Variants in PISD observed in about 807,000 individuals in gnomAD.
PISD encodes the protein phosphatidylserine decarboxylase, also known as phosphatidylserine decarboxylase proenzyme, mitochondrial.
PISD carries 31 observed loss-of-function variants against 43.5 expected under a neutral mutation model. That is an observed-to-expected ratio of 0.71 (90% CI 0.54 to 0.96). The LOEUF is 0.96. Ranked by LOEUF, PISD falls within the 40% of genes least tolerant of loss-of-function variation. The pLI is 0.00. For missense variants in PISD, 523 were observed against 548.4 expected, an observed-to-expected ratio of 0.95 and a Z score of 0.46; for synonymous variants, 259 against 228.7, an observed-to-expected ratio of 1.13 and a Z score of -1.20.
intron 3 of PISD, among the ~76,000 whole-genome samples, chr22:31,642,807 AAAG>A (rs2073773831): frequency 6.7e-6 from 1 of 149,952 alleles, no homozygotes; most frequent in Non-Finnish European, 1.5e-5. Flanking sequence ...AAAAAAAAAA[AAAG>A]AAAGAAAAAA....
At chr22:31,621,258 T>C (rs1266336235) in intron 5 of PISD, 76 bp downstream of exon 5, 8 of 1,609,726 alleles carry the variant, frequency 5.0e-6, no homozygotes, top group Non-Finnish European at 5.9e-6. Context: ...CTCAGTTCCT[T>C]CCCCAGCATT....
intron 3 of PISD, among the ~76,000 whole-genome samples, chr22:31,640,835 C>CTCAACTAACGGATAAAAGATTCA: frequency 7.1e-6 from 1 of 141,550 alleles, no homozygotes; most frequent in African/African-American, 2.7e-5. Context: ...CCCGCCTCGG[C>CTCAACTAACGGATAAAAGATTCA]CTCCCAAAGT....
chr22:31,641,115 A>G (rs971042164), intron 3 of PISD, among the ~76,000 whole-genome samples: 1 of 151,614 alleles, frequency 6.6e-6, no homozygotes, highest in African/African-American at 2.4e-5. Context: ...TTAACTCCTG[A>G]CCTCAGGTGA....
At chr22:31,656,708 C>T (rs2074189545) in intron 1 of PISD, among the ~76,000 whole-genome samples, 1 of 151,370 alleles carries the variant, frequency 6.6e-6, no homozygotes, top group African/African-American at 2.4e-5. Context: ...CAAGATCCCA[C>T]ATCTTGTCAG....
Position 31,648,968 on chromosome 22 carries a change from T to C in PISD, c.146-692A>G, listed in dbSNP as rs116272739. Among the ~76,000 whole-genome samples, 879 of 152,322 alleles carry C rather than the reference T, an allele frequency of 5.8e-3. 6 individuals carry two copies. Among genetic ancestry groups the C allele is most frequent in the African/African-American group, 0.018 (767 of 41,586 alleles). ...ACACCATTTCTCACCCAGGGCTCTTTGATCTTGCTTTTATAATGCAGGCCC... is the reference window on the plus strand; with the variant it reads ...ACACCATTTCTCACCCAGGGCTCTTCGATCTTGCTTTTATAATGCAGGCCC... On this transcript the variant is annotated intron_variant, in intron 2 of 7. Transcript: ENST00000439502.
intron 1 of PISD, among the ~76,000 whole-genome samples, chr22:31,651,649 G>C (rs554052901): frequency 1.3e-5 from 2 of 152,238 alleles, no homozygotes; most frequent in South Asian, 4.1e-4. Context: ...TTGGGAGGCT[G>C]AGGCAGGAGA....
intron 3 of PISD, among the ~76,000 whole-genome samples, chr22:31,624,117 G>A (rs2072741418): frequency 6.6e-6 from 1 of 152,178 alleles, no homozygotes; most frequent in African/African-American, 2.4e-5. Context: ...GACTGGGAAT[G>A]TGGGGGCAGC....
intron 3 of PISD, among the ~76,000 whole-genome samples, chr22:31,635,430 G>A (rs934265724): frequency 2.6e-5 from 4 of 152,080 alleles, no homozygotes; most frequent in African/African-American, 9.7e-5. Flanking sequence ...AGCCTCCCAA[G>A]TAGCTGGGAC....
Position 31,619,432 on chromosome 22 carries a change from CCACCTCTTGTCTG to C in PISD, c.*167_*179del, listed in dbSNP as rs2072351183. The C allele has an allele frequency of 2.9e-6, 2 of 688,230 alleles. No individual in the cohort carries two copies. The highest frequency in any genetic ancestry group is 2.4e-4 in the Middle Eastern group (1 of 4,206). The allele number at this position is 688,230 out of a possible 1,614,324, so 42.6% of individuals were successfully genotyped here. On this transcript the variant is annotated 3_prime_UTR_variant, in exon 8 of 8. Coordinates refer to ENST00000439502, the MANE Select transcript of PISD (RefSeq NM_001326411.2). ...TTGAGGGGCATGATGGGGGCTCTCGCCACCTCTTGTCTGCACCTCTGGAACAGGTGGTAGCCGA... is the reference window on the plus strand; with the variant it reads ...TTGAGGGGCATGATGGGGGCTCTCGCCACCTCTGGAACAGGTGGTAGCCGA...
At position 31,622,159 on chromosome 22, in the gene PISD, C is replaced by T. The variant is rs139709758; in HGVS notation, c.322-274G>A. On this transcript the variant is annotated intron_variant, in intron 3 of 7. Coordinates refer to ENST00000439502, the MANE Select transcript of PISD (RefSeq NM_001326411.2). ...AATAGCAACTGCTCCAGTCCCAGAA[C>T]GGGAGACGCCCAGCAGTCTTACTTC... 1.2e-3 allele frequency among the ~76,000 whole-genome samples: 182 copies of T among 152,346 alleles called. 1 individual carries two copies. The highest frequency in any genetic ancestry group is 2.1e-3 in the Non-Finnish European group (144 of 68,030).
chr22:31,628,975 A>T (rs1308617218), intron 3 of PISD: 1 of 985,444 alleles, frequency 1.0e-6, no homozygotes, highest in Non-Finnish European at 1.2e-6. Flanking sequence ...GCGCGGAGTG[A>T]CCGGCCCTGT....
intron 3 of PISD, among the ~76,000 whole-genome samples, chr22:31,631,040 G>A (rs1438420046): frequency 6.6e-6 from 1 of 152,250 alleles, no homozygotes; most frequent in Non-Finnish European, 1.5e-5. Flanking sequence ...AGGGAGAAGG[G>A]GAAGGGCAGC....
intron 3 of PISD, among the ~76,000 whole-genome samples, chr22:31,634,629 G>C (rs936550633): frequency 6.6e-6 from 1 of 151,874 alleles, no homozygotes; most frequent in Non-Finnish European, 1.5e-5. Flanking sequence ...CCTGAGGTGA[G>C]AAGTTCAACA....
At chr22:31,648,407 A>C in intron 2 of PISD, 131 bp from the exon 3 acceptor site, 1 of 705,178 alleles carries the variant, frequency 1.4e-6, no homozygotes, top group Non-Finnish European at 2.4e-6. Context: ...GACCAGGCAC[A>C]TGGCTCACGC....
At chr22:31,655,788 C>A (rs1334928750) in intron 1 of PISD, among the ~76,000 whole-genome samples, 3 of 152,170 alleles carry the variant, frequency 2.0e-5, no homozygotes, top group Non-Finnish European at 2.9e-5. Flanking sequence ...GCACAAGCCA[C>A]CACACCCAGC....
In PISD at chr22:31,630,929, C is replaced by A; in HGVS notation, c.322-9044G>T. ...GACTACCAGGGGCGGGGGCAGGAGG[C>A]CGACCCCAGCCACCCTTAAAGCTGC... On this transcript the variant is annotated intron_variant, in intron 3 of 7. Transcript: ENST00000439502. The surrounding 1 kb of genome is among the most constrained non-coding windows in gnomAD (Gnocchi z 4.4). 1 of 905,756 alleles carries A rather than the reference C, an allele frequency of 1.1e-6. No individual in the cohort carries two copies. Among genetic ancestry groups the A allele is most frequent in the Non-Finnish European group, 1.3e-6 (1 of 757,114 alleles). 56.1% of individuals were successfully genotyped at this position (905,756 alleles called of 1,614,324 possible).
Position 31,619,400 on chromosome 22 carries a change from G to C in PISD, c.*212C>G, listed in dbSNP as rs993752178. ...TTTTTATTTGTAGGCAGAAGGAACG[G>C]GATAGGTTGAGGGGCATGATGGGGG... On this transcript the variant is annotated 3_prime_UTR_variant, in exon 8 of 8. Transcript: ENST00000439502. 21 of 659,342 alleles carry C rather than the reference G, an allele frequency of 3.2e-5. No individual in the cohort carries two copies. Among genetic ancestry groups the C allele is most frequent in the Middle Eastern group, 5.6e-4 (2 of 3,600 alleles). 40.8% of individuals were successfully genotyped at this position (659,342 alleles called of 1,614,324 possible).
At chr22:31,627,759 T>G (rs1237581628) in intron 3 of PISD, among the ~76,000 whole-genome samples, 1 of 152,202 alleles carries the variant, frequency 6.6e-6, no homozygotes, top group Non-Finnish European at 1.5e-5. Flanking sequence ...TAGAAAGACA[T>G]GAACCCAGAT....
intron 3 of PISD, chr22:31,632,409 T>C (rs2073242378): frequency 6.2e-6 from 1 of 162,170 alleles, no homozygotes; most frequent in South Asian, 2.0e-4. Flanking sequence ...GCTCCTAATA[T>C]TCTCCTGTCC....
Sources: gnomAD v4.1 joint callset for allele counts (sites outside exome capture counted in the v4.1 genomes callset) on GRCh38, gnomAD v4.1.1 for gene constraint, Gnocchi (gnomAD v3.1) non-coding constraint, MANE v1.5 for transcripts, NCBI Gene and HGNC (gene_info 2026-07-23, HGNC 2026-07-21) for gene names.